Variants in ACP3 observed in about 807,000 individuals in gnomAD.
ACP3 encodes prostatic acid phosphatase.
A neutral mutation model predicts 45.6 loss-of-function variants in ACP3; 38 were observed. The ratio of observed to expected loss-of-function variants is 0.83; its 90% CI spans 0.64 to 1.09. ACP3 has a LOEUF of 1.09. Ranked by LOEUF, ACP3 falls within the 50% of genes least tolerant of loss-of-function variation. The pLI is 0.00. For synonymous variants in ACP3, 162 were observed against 164.7 expected (o/e 0.98, Z 0.13); for missense variants, 466 against 463.2 (o/e 1.01, Z -0.05).
chr3:132,327,326 C>T (rs1441791995), intron 1 of ACP3, among the ~76,000 whole-genome samples: 10 of 151,758 alleles, frequency 6.6e-5, no homozygotes, highest in African/African-American at 2.2e-4. Context: ...CCAGCCTGGC[C>T]AACATGGTGA....
At chr3:132,347,844 T>TACACACACACACACACACACACACACAC (rs112045628) in intron 7 of ACP3, among the ~76,000 whole-genome samples, 12 of 144,906 alleles carry the variant, frequency 8.3e-5, no homozygotes, top group African/African-American at 2.9e-4. Context: ...CACACACACA[T>TACACACACACACACACACACACACACAC]ACACACACAC....
chr3:132,365,334 A>T (rs1938112497), intron 10 of ACP3, among the ~76,000 whole-genome samples: 1 of 152,260 alleles, frequency 6.6e-6, no homozygotes, highest in South Asian at 2.1e-4. Context: ...TACAAGATGC[A>T]CTTTTAAATG....
intron 4 of ACP3, among the ~76,000 whole-genome samples, chr3:132,335,987 G>A (rs553351222): frequency 1.4e-4 from 22 of 152,300 alleles, no homozygotes; most frequent in African/African-American, 4.6e-4. Flanking sequence ...TAGGCCGGGC[G>A]CGGTGGCTCA....
rs1185753639 is a variant in ACP3 at position 132,337,533 on chromosome 3, G to A, written c.534G>A (p.Gln178=). ...AGACTTTGAAATCAGAGGAATTCCA[G>A]AAGAGGCTGCACCCTTATAAGGTTA... The part of the protein sequence containing the change: ...ESETLKSEEF[Q]KRLHPYKDFI... The change falls in exon 5 of 10, where the codon CAG becomes CAA. Residue 178 remains glutamine, a synonymous_variant. Transcript: ENST00000336375. 1.2e-6 allele frequency: 2 copies of A among 1,610,310 alleles called. No individual in the cohort carries two copies. Among genetic ancestry groups the A allele is most frequent in the Non-Finnish European group, 1.7e-6 (2 of 1,176,990 alleles).
chr3:132,342,776 G>A (rs541229463), intron 6 of ACP3, 132 bp downstream of exon 6: 14 of 496,166 alleles, frequency 2.8e-5, no homozygotes, highest in African/African-American at 1.4e-4. Flanking sequence ...ACATTGAAAC[G>A]TAATTCACAA....
In ACP3 at chr3:132,356,689, G is replaced by A; in HGVS notation, c.972G>A (p.Glu324=). 3 of 1,613,948 alleles carry A rather than the reference G, an allele frequency of 1.9e-6. No homozygotes were observed. Among genetic ancestry groups the A allele is most frequent in the Non-Finnish European group, 2.5e-6 (3 of 1,180,020 alleles). ...HLTELYFEKG[E]YFVEMYYRNE... Reference sequence around the variant, plus strand: ...CTCCTCTGCCTTTGTCTGCCAGGGAGTACTTTGTGGAGATGTACTATCGGA... The same window carrying A: ...CTCCTCTGCCTTTGTCTGCCAGGGAATACTTTGTGGAGATGTACTATCGGA... The change falls in exon 10 of 10, where the codon GAG becomes GAA. Residue 324 remains glutamate (E), a synonymous_variant. Transcript: ENST00000336375.
At chr3:132,326,612 G>A (rs1188663094) in intron 1 of ACP3, among the ~76,000 whole-genome samples, 3 of 152,140 alleles carry the variant, frequency 2.0e-5, no homozygotes, top group Non-Finnish European at 4.4e-5. Context: ...TAGTTTAAAG[G>A]GCCAAAAGAT....
At chr3:132,322,824 TG>T (rs1362140688) in intron 1 of ACP3, among the ~76,000 whole-genome samples, 1 of 152,218 alleles carries the variant, frequency 6.6e-6, no homozygotes, top group Non-Finnish European at 1.5e-5. Context: ...GATTGGGCCA[TG>T]GGGGCTCTAC....
At chr3:132,365,771 G>A (rs1447851723) in intron 10 of ACP3, among the ~76,000 whole-genome samples, 1 of 152,100 alleles carries the variant, frequency 6.6e-6, no homozygotes, top group Non-Finnish European at 1.5e-5. Context: ...TGGATCACCT[G>A]AAGTCAGGAG....
At chr3:132,325,618 A>ACACACACACACACACACC (rs1416576821) in intron 1 of ACP3, among the ~76,000 whole-genome samples, 1 of 151,436 alleles carries the variant, frequency 6.6e-6, no homozygotes, top group African/African-American at 2.4e-5. Context: ...ACACACACAC[A>ACACACACACACACACACC]CCCCTTCCAA....
chr3:132,359,505 CTAAA>C (rs151183478), downstream of ACP3, among the ~76,000 whole-genome samples: 12,832 of 151,394 alleles, frequency 0.085, 1,166 homozygotes, highest in East Asian at 0.48. Flanking sequence ...GAGACTCTGT[CTAAA>C]TAAATAAATA....
rs1312917388 is a variant in ACP3, at chr3:132,342,554, T to C, written c.558T>C (p.Asp186=). 2 of 1,609,520 alleles carry C rather than the reference T, an allele frequency of 1.2e-6. No individual in the cohort carries two copies. Among genetic ancestry groups the C allele is most frequent in the Non-Finnish European group, 8.5e-7 (1 of 1,178,022 alleles). The stretch of plus-strand genomic sequence containing the variant: ...TTCTTTCTCTGTTTGTGTTTCAGGA[T>C]TTTATAGCTACCTTGGGAAAACTTT... The part of the protein sequence containing the change: ...EFQKRLHPYK[D]FIATLGKLSG... The change falls in exon 6 of 10, where the codon GAT becomes GAC. Residue 186 remains aspartate, a splice_region_variant and synonymous_variant. Coordinates refer to ENST00000336375, the MANE Select transcript of ACP3 (RefSeq NM_001099.5).
downstream of ACP3, among the ~76,000 whole-genome samples, chr3:132,360,327 A>AC (rs1435033348): frequency 1.3e-5 from 2 of 149,918 alleles, no homozygotes; most frequent in East Asian, 3.9e-4. Flanking sequence ...AAAAAAAAAA[A>AC]AAACAATACA....
chr3:132,328,583 G>A (rs530283822), intron 2 of ACP3, among the ~76,000 whole-genome samples: 1 of 150,996 alleles, frequency 6.6e-6, no homozygotes, highest in South Asian at 2.1e-4. Context: ...GGAGTCTGAG[G>A]TAGGAGAATC....
exon 11 of ACP3, chr3:132,367,772 C>T: frequency 6.2e-7 from 1 of 1,613,834 alleles, no homozygotes; most frequent in East Asian, 2.2e-5. Flanking sequence ...ACTGTTTATC[C>T]ACATTCGCCG....
At chr3:132,364,307 C>A (rs1262679246) in intron 10 of ACP3, among the ~76,000 whole-genome samples, 1 of 152,144 alleles carries the variant, frequency 6.6e-6, no homozygotes, top group Non-Finnish European at 1.5e-5. Flanking sequence ...GTGATTGCAC[C>A]ACTGCACTCC....
chr3:132,346,795 C>T (rs1937614362), intron 7 of ACP3, among the ~76,000 whole-genome samples: 1 of 152,188 alleles, frequency 6.6e-6, no homozygotes, highest in African/African-American at 2.4e-5. Context: ...ATTCAGGCAC[C>T]TAGTCCCTCA....
At chr3:132,355,486 CTTATT>C (rs71622089) in intron 9 of ACP3, among the ~76,000 whole-genome samples, 33 of 150,380 alleles carry the variant, frequency 2.2e-4, no homozygotes, top group African/African-American at 4.4e-4. Flanking sequence ...TTTATTTTAT[CTTATT>C]TTATTTTATT....
intron 1 of ACP3, among the ~76,000 whole-genome samples, chr3:132,325,209 G>A (rs1303021100): frequency 1.3e-5 from 2 of 152,146 alleles, no homozygotes; most frequent in East Asian, 1.9e-4. Flanking sequence ...ATTTGCCTGC[G>A]GGAGGGGTGT....
Sources: gnomAD v4.1 joint callset for allele counts (sites outside exome capture counted in the v4.1 genomes callset) on GRCh38, gnomAD v4.1.1 for gene constraint, MANE v1.5 for transcripts, NCBI Gene and HGNC (gene_info 2026-07-23, HGNC 2026-07-21) for gene names.